The following BCHE variants were observed in gnomAD, a reference collection of about 807,000 sequenced individuals.
BCHE encodes butyrylcholinesterase, also known as cholinesterase.
In BCHE, 48 loss-of-function variants were observed where a neutral mutation model predicts 51.3. The ratio of observed to expected loss-of-function variants is 0.94; its 90% confidence interval spans 0.74 to 1.19. The LOEUF (loss-of-function observed/expected upper bound fraction) is 1.19. Among genes scored for constraint, BCHE ranks in the 50% most tolerant of loss-of-function variants. The pLI, the probability that BCHE is intolerant of heterozygous loss-of-function variation, is 0.00. For missense variants in BCHE, 847 were observed against 708.2 expected, an observed-to-expected ratio of 1.20 and a Z score of -2.23; for synonymous variants, 251 against 238.0, an observed-to-expected ratio of 1.05 and a Z score of -0.50.
rs2108200749 is a variant in BCHE at position 165,784,023 on chromosome 3, C to A, written c.1684+2122G>T. Among the ~76,000 whole-genome samples, 2 of 151,990 alleles carry A rather than the reference C, an allele frequency of 1.3e-5. 1 individual carries two copies. Among genetic ancestry groups the A allele is most frequent in the Non-Finnish European group, 2.9e-5 (2 of 67,898 alleles). ...TAAACTATTGCTGAGGTGGTACTTA[C>A]AAAGCTTATTGGGCTTCCATCTTGA... On this transcript the variant is annotated intron_variant, in intron 3 of 3. Coordinates refer to ENST00000264381, the MANE Select transcript of BCHE (RefSeq NM_000055.4).
chr3:165,828,430 C>G (rs891914271), intron 2 of BCHE, among the ~76,000 whole-genome samples: 1 of 152,020 alleles, frequency 6.6e-6, no homozygotes, highest in Non-Finnish European at 1.5e-5. Flanking sequence ...AAGTATTAAA[C>G]CATTTTGAAA....
At chr3:165,829,077 G>A (rs896801249) in intron 2 of BCHE, among the ~76,000 whole-genome samples, 17 of 152,062 alleles carry the variant, frequency 1.1e-4, no homozygotes, top group African/African-American at 4.1e-4. Flanking sequence ...AATTTCCTAA[G>A]CAGAGATACA....
Position 165,830,760 on chromosome 3 carries a change from A to C in BCHE, c.274T>G (p.Ser92Ala), listed in dbSNP as rs1050901976. 6.2e-7 allele frequency: 1 copy of C among 1,613,594 alleles called. No homozygotes were observed. Among genetic ancestry groups the C allele is most frequent in the Non-Finnish European group, 8.5e-7 (1 of 1,179,854 alleles). Residue 92 changes from serine to alanine, a missense_variant, in exon 2 of 4, where the codon TCT becomes GCT. Physicochemically the swap from Ser to Ala is moderately conservative, Grantham distance 99. Transcript: ENST00000264381. Reference sequence around the variant, plus strand: ...CTTTGATCTATGTTCTGACAGCAAGAATTTGCATATTTTGTGGCATTCCAA... The same window carrying C: ...CTTTGATCTATGTTCTGACAGCAAGCATTTGCATATTTTGTGGCATTCCAA... ...DIWNATKYANSCCQNIDQSFP... is the reference protein window; with the variant it reads ...DIWNATKYANACCQNIDQSFP...
At chr3:165,833,256 A>C (rs1244044863) in intron 1 of BCHE, among the ~76,000 whole-genome samples, 1 of 152,142 alleles carries the variant, frequency 6.6e-6, no homozygotes, top group African/African-American at 2.4e-5. Context: ...ACTATTATAT[A>C]ATGTATCCTT....
At chr3:165,816,000 T>C (rs1221910562) in intron 2 of BCHE, among the ~76,000 whole-genome samples, 1 of 152,040 alleles carries the variant, frequency 6.6e-6, no homozygotes, top group Non-Finnish European at 1.5e-5. Flanking sequence ...AAAATTGTTG[T>C]TTCTGATTTG....
intron 2 of BCHE, among the ~76,000 whole-genome samples, chr3:165,825,646 CA>C: frequency 6.6e-6 from 1 of 152,068 alleles, no homozygotes. Context: ...TGGTGTGCTG[CA>C]CCCATTAACT....
intron 2 of BCHE, 53 bp downstream of exon 2, chr3:165,829,464 A>C: frequency 6.7e-7 from 1 of 1,481,506 alleles, no homozygotes; most frequent in Non-Finnish European, 9.4e-7. Context: ...AAGCAAAGCT[A>C]AGCAAAACGG....
intron 2 of BCHE, among the ~76,000 whole-genome samples, chr3:165,810,646 G>A (rs1466387559): frequency 6.6e-6 from 1 of 152,130 alleles, no homozygotes; most frequent in Non-Finnish European, 1.5e-5. Context: ...TGGGAGTGGG[G>A]ATGCATTGTG....
At chr3:165,795,806 A>G (rs1713352675) in intron 2 of BCHE, among the ~76,000 whole-genome samples, 1 of 152,110 alleles carries the variant, frequency 6.6e-6, no homozygotes, top group Non-Finnish European at 1.5e-5. Context: ...ATACTGTGCT[A>G]TAAGAGTCCA....
chr3:165,811,966 G>A (rs963291675), intron 2 of BCHE, among the ~76,000 whole-genome samples: 71 of 151,824 alleles, frequency 4.7e-4, no homozygotes, highest in Non-Finnish European at 4.7e-4. Context: ...CTTTCTGTCC[G>A]TCTCATCTTT....
At position 165,775,347 on chromosome 3, in the gene BCHE, G is replaced by C. The variant is rs189584763; in HGVS notation, c.1685-1841C>G. 5.5e-3 allele frequency among the ~76,000 whole-genome samples: 837 copies of C among 151,784 alleles called. 6 individuals carry two copies. Among genetic ancestry groups the C allele is most frequent in the African/African-American group, 0.019 (799 of 41,480 alleles). Reference sequence around the variant, plus strand: ...TTCATGTAAAAATGGCTTTTAAAAAGATCAGTCACTATAATCACAATTTTT... The same window carrying C: ...TTCATGTAAAAATGGCTTTTAAAAACATCAGTCACTATAATCACAATTTTT... On this transcript the variant is annotated intron_variant, in intron 3 of 3. Transcript: ENST00000264381.
At chr3:165,822,306 A>G (rs1200800188) in intron 2 of BCHE, among the ~76,000 whole-genome samples, 1 of 152,040 alleles carries the variant, frequency 6.6e-6, no homozygotes, top group African/African-American at 2.4e-5. Flanking sequence ...TAGTTGATTA[A>G]TTAAGTAGTT....
intron 2 of BCHE, among the ~76,000 whole-genome samples, chr3:165,800,808 A>G (rs1713607289): frequency 6.6e-6 from 1 of 152,174 alleles, no homozygotes; most frequent in African/African-American, 2.4e-5. Context: ...AATGTGGGCA[A>G]TGGATATAAC....
At chr3:165,787,765 C>T (rs1249564323) in intron 2 of BCHE, among the ~76,000 whole-genome samples, 1 of 151,736 alleles carries the variant, frequency 6.6e-6, no homozygotes, top group Non-Finnish European at 1.5e-5. Flanking sequence ...GTCTAACAGC[C>T]CTGGAAAATT....
At chr3:165,826,250 G>A (rs879284800) in intron 2 of BCHE, among the ~76,000 whole-genome samples, 2 of 152,048 alleles carry the variant, frequency 1.3e-5, no homozygotes, top group Admixed American at 6.6e-5. Flanking sequence ...AGGAAACAAC[G>A]TATGAGTGAA....
chr3:165,826,615 T>G (rs182108826), intron 2 of BCHE, among the ~76,000 whole-genome samples: 1 of 152,246 alleles, frequency 6.6e-6, no homozygotes, highest in Non-Finnish European at 1.5e-5. Context: ...TGTGTATATT[T>G]TTACAGTATG....
intron 1 of BCHE, among the ~76,000 whole-genome samples, chr3:165,832,920 C>T (rs377571870): frequency 6.6e-6 from 1 of 152,016 alleles, no homozygotes; most frequent in East Asian, 1.9e-4. Flanking sequence ...TATCTAGTGA[C>T]CTACAAGTAT....
At chr3:165,778,673 T>C (rs1180417135) in intron 3 of BCHE, 1 of 453,140 alleles carries the variant, frequency 2.2e-6, no homozygotes, top group Admixed American at 2.4e-5. Flanking sequence ...GCAGACCCTG[T>C]CATTTTCATC....
chr3:165,830,805 G>A lies in BCHE; in HGVS notation c.229C>T (p.Leu77=). 1 of 1,613,902 alleles carries A rather than the reference G, an allele frequency of 6.2e-7. No individual in the cohort carries two copies. The highest frequency in any genetic ancestry group is 8.5e-7 in the Non-Finnish European group (1 of 1,179,908). ...TTCCAAATATCAGACCACTTGGTCA[G>A]AGACTGTGGCTTTTTGAATCGAAGT... ...GRLRFKKPQS[L]TKWSDIWNAT... is the part of the protein sequence containing the mutation. The change falls in exon 2 of 4, where the codon CTG becomes TTG. Residue 77 remains leucine (L), a synonymous_variant. Transcript: ENST00000264381.
Sources: allele counts gnomAD v4.1 joint callset (sites outside exome capture counted in the v4.1 genomes callset), GRCh38; gene constraint gnomAD v4.1.1; transcripts MANE v1.5; gene names NCBI Gene and HGNC (gene_info 2026-07-23, HGNC 2026-07-21).